MAN1A2: variants seen among roughly 807,000 people sequenced by gnomAD.
MAN1A2 encodes the protein mannosidase alpha class 1A member 2, also known as mannosyl-oligosaccharide 1,2-alpha-mannosidase IB.
Under a neutral mutation model 75.7 loss-of-function variants are expected in MAN1A2, and 26 were observed. The ratio of observed to expected loss-of-function variants is 0.34; its 90% CI spans 0.25 to 0.48. The LOEUF (loss-of-function observed/expected upper bound fraction) is 0.48, where lower values mean the gene tolerates loss of function less well. MAN1A2 is among the 20% of genes least tolerant of loss of function. The pLI is 0.99. For missense variants in MAN1A2, 562 were observed against 775.5 expected (o/e 0.72, Z 3.27); for synonymous variants, 247 against 264.6 (o/e 0.93, Z 0.65).
intron 3 of MAN1A2, among the ~76,000 whole-genome samples, chr1:117,411,248 A>G (rs1190197362): frequency 2.6e-5 from 4 of 151,824 alleles, no homozygotes; most frequent in Non-Finnish European, 5.9e-5. Flanking sequence ...GGATGGGCAT[A>G]GAGATCTGTG....
Position 117,455,068 on chromosome 1 carries a change from A to G in MAN1A2, c.951-5421A>G, listed in dbSNP as rs560996689. Among the ~76,000 whole-genome samples, 4 of 152,306 alleles carry G rather than the reference A, an allele frequency of 2.6e-5. No individual in the cohort carries two copies. In the East Asian group the frequency reaches 7.7e-4, roughly 29 times the overall value. On this transcript the variant is annotated intron_variant, in intron 6 of 12. Transcript: ENST00000356554. The stretch of plus-strand genomic sequence containing the variant: ...TTAGGTTGGTAGGATGTAAAATGGT[A>G]GAGACACTTTGGAAAACAGTTTGAC...
intron 5 of MAN1A2, among the ~76,000 whole-genome samples, chr1:117,428,946 G>T (rs1648481195): frequency 7.1e-6 from 1 of 140,452 alleles, no homozygotes; most frequent in South Asian, 2.4e-4. Context: ...AGAGGACCCT[G>T]CGGCCTTCCG....
At position 117,526,143 on chromosome 1, in the gene MAN1A2, C is replaced by T. The variant is rs953560343; in HGVS notation, c.*3186C>T. ...GATAAAAGATTGTGTTTGCCATTCTCATTTATAATGCAGTTTCTCCTTAAG... is the reference window on the plus strand; with the variant it reads ...GATAAAAGATTGTGTTTGCCATTCTTATTTATAATGCAGTTTCTCCTTAAG... On this transcript the variant is annotated 3_prime_UTR_variant, in exon 13 of 13. Transcript: ENST00000356554. The T allele has an allele frequency of 6.6e-6, 1 of 151,938 alleles. No homozygotes were observed. The highest frequency in any genetic ancestry group is 2.4e-5 in the African/African-American group (1 of 41,510). 9.4% of individuals were successfully genotyped at this position (151,938 alleles called of 1,614,324 possible).
intron 4 of MAN1A2, among the ~76,000 whole-genome samples, chr1:117,417,618 G>A (rs1323732713): frequency 7.0e-6 from 1 of 142,074 alleles, no homozygotes; most frequent in Non-Finnish European, 1.5e-5. Flanking sequence ...TTTTGTGTTT[G>A]TGCTCTGGTG....
chr1:117,429,704 G>T (rs1443509478), intron 5 of MAN1A2, among the ~76,000 whole-genome samples: 1 of 111,984 alleles, frequency 8.9e-6, no homozygotes, highest in Non-Finnish European at 1.9e-5. Context: ...GGCCGGGCAG[G>T]GGGGCTGACC....
At chr1:117,478,756 T>C (rs185300085) in intron 8 of MAN1A2, among the ~76,000 whole-genome samples, 75 of 152,064 alleles carry the variant, frequency 4.9e-4, no homozygotes, top group African/African-American at 1.8e-3. Flanking sequence ...CTCTATTCTG[T>C]TTGTTATTAA....
chr1:117,431,346 C>G (rs1648653204), intron 5 of MAN1A2, among the ~76,000 whole-genome samples: 1 of 151,712 alleles, frequency 6.6e-6, no homozygotes, highest in Non-Finnish European at 1.5e-5. Flanking sequence ...ATGTATGAAT[C>G]ACAAATGGAA....
At chr1:117,372,841 C>T (rs891970166) in intron 1 of MAN1A2, among the ~76,000 whole-genome samples, 1 of 149,596 alleles carries the variant, frequency 6.7e-6, no homozygotes, top group East Asian at 2.0e-4. Flanking sequence ...AGCTTATGAG[C>T]TGTTTATCTG....
intron 10 of MAN1A2, among the ~76,000 whole-genome samples, chr1:117,498,207 C>T (rs1651092824): frequency 6.6e-6 from 1 of 151,674 alleles, no homozygotes. Flanking sequence ...CGTGTTGATA[C>T]AGAATGCCAA....
At chr1:117,458,508 T>TATATATAG (rs1649685400) in intron 6 of MAN1A2, among the ~76,000 whole-genome samples, 1 of 99,304 alleles carries the variant, frequency 1.0e-5, no homozygotes, top group African/African-American at 4.7e-5. Context: ...TATATATATA[T>TATATATAG]ATAGATATAT....
At chr1:117,442,169 G>A in intron 5 of MAN1A2, 62 bp from the exon 6 acceptor site, 1 of 1,028,012 alleles carries the variant, frequency 9.7e-7, no homozygotes, top group Admixed American at 1.7e-5. Flanking sequence ...ATGAGAGAGA[G>A]AGCAATAAGT....
chr1:117,469,648 G>A (rs1023265149), intron 8 of MAN1A2, among the ~76,000 whole-genome samples: 3 of 151,964 alleles, frequency 2.0e-5, no homozygotes, highest in African/African-American at 7.3e-5. Flanking sequence ...AACAACAGAA[G>A]GCGAATCACC....
intron 4 of MAN1A2, among the ~76,000 whole-genome samples, chr1:117,419,685 T>C (rs1202414243): frequency 1.3e-5 from 2 of 152,096 alleles, no homozygotes; most frequent in African/African-American, 2.4e-5. Flanking sequence ...CTGCCACTTC[T>C]GCTTTTCTTT....
chr1:117,499,373 A>G lies in MAN1A2; in HGVS notation c.1505-9A>G. ...ATTTTGCTCAGTTATTTCTTTTGTCATGTTACAGCATTAAAGCTAGGTCCT... is the reference window on the plus strand; with the variant it reads ...ATTTTGCTCAGTTATTTCTTTTGTCGTGTTACAGCATTAAAGCTAGGTCCT... On this transcript the variant is annotated splice_polypyrimidine_tract_variant and intron_variant, in intron 10 of 12. Transcript: ENST00000356554. 2.0e-6 allele frequency: 3 copies of G among 1,536,854 alleles called. No homozygotes were observed. The highest frequency in any genetic ancestry group is 2.5e-5 in the East Asian group (1 of 40,664).
At chr1:117,420,708 A>G in intron 5 of MAN1A2, 59 bp downstream of exon 5, 1 of 1,220,120 alleles carries the variant, frequency 8.2e-7, no homozygotes, top group Non-Finnish European at 1.2e-6. Flanking sequence ...AATTTAATAA[A>G]ATGAACAATT....
intron 12 of MAN1A2, 92 bp from the exon 13 acceptor site, chr1:117,522,733 C>T (rs1009371836): frequency 1.6e-5 from 18 of 1,094,638 alleles, no homozygotes; most frequent in African/African-American, 9.4e-5. Context: ...GCTCAAAATA[C>T]GTTATTGGTT....
rs965906083 is a variant in MAN1A2 at position 117,463,146 on chromosome 1, T to C, written c.1074+2534T>C. ...AAAATTATTTTTATATCAATTATAT[T>C]AATAAAAATATTAAAGACAGTACAA... On this transcript the variant is annotated intron_variant, in intron 7 of 12. Transcript: ENST00000356554. Among the ~76,000 whole-genome samples, 5 of 151,042 alleles carry C rather than the reference T, an allele frequency of 3.3e-5. 1 individual carries two copies. The highest frequency in any genetic ancestry group is 3.3e-4 in the Admixed American group (5 of 15,154).
At chr1:117,521,791 T>C (rs1254229366) in intron 12 of MAN1A2, among the ~76,000 whole-genome samples, 1 of 151,910 alleles carries the variant, frequency 6.6e-6, no homozygotes. Context: ...AAATGCCCAT[T>C]AATCAATGAG....
At chr1:117,435,288 C>T (rs955381349) in intron 5 of MAN1A2, among the ~76,000 whole-genome samples, 5 of 151,966 alleles carry the variant, frequency 3.3e-5, no homozygotes, top group Admixed American at 2.6e-4. Flanking sequence ...AATTAAGCCC[C>T]AAGAAATACA....
Sources: gnomAD v4.1 joint callset for allele counts (sites outside exome capture counted in the v4.1 genomes callset) on GRCh38, gnomAD v4.1.1 for gene constraint, MANE v1.5 for transcripts, NCBI Gene and HGNC (gene_info 2026-07-23, HGNC 2026-07-21) for gene names.